SPAG9: variants seen among roughly 807,000 people sequenced by gnomAD.
SPAG9 encodes the protein sperm associated antigen 9.
SPAG9 carries 35 observed loss-of-function variants against 166.5 expected under a neutral mutation model. The observed-to-expected ratio is 0.21, with a 90% CI of 0.16 to 0.28. The LOEUF (loss-of-function observed/expected upper bound fraction) is 0.28. Ranked by LOEUF, SPAG9 falls within the 10% of genes least tolerant of loss-of-function variation. SPAG9 has a pLI of 1.00. For missense variants in SPAG9, 1,235 were observed against 1,603.3 expected, an observed-to-expected ratio of 0.77 and a Z score of 3.92; for synonymous variants, 534 against 565.5, an observed-to-expected ratio of 0.94 and a Z score of 0.79.
At chr17:51,014,119 A>T in intron 9 of SPAG9, 113 bp downstream of exon 9, 3 of 855,260 alleles carry the variant, frequency 3.5e-6, no homozygotes, top group Non-Finnish European at 5.0e-6. Context: ...CTAAAAGGGC[A>T]ATAACCCTGT....
chr17:51,115,019 T>A (rs1345342929), intron 1 of SPAG9, among the ~76,000 whole-genome samples: 1 of 152,148 alleles, frequency 6.6e-6, no homozygotes, highest in Non-Finnish European at 1.5e-5. Flanking sequence ...ATACCTATTT[T>A]CCTGCCCATG....
intron 2 of SPAG9, among the ~76,000 whole-genome samples, chr17:51,062,012 T>C (rs2047532256): frequency 6.6e-6 from 1 of 152,204 alleles, no homozygotes; most frequent in Non-Finnish European, 1.5e-5. Flanking sequence ...CATACATATC[T>C]ATATTTTTTT....
intron 12 of SPAG9, among the ~76,000 whole-genome samples, chr17:51,002,315 C>A (rs566210908): frequency 1.3e-5 from 2 of 152,102 alleles, no homozygotes; most frequent in African/African-American, 4.8e-5. Flanking sequence ...CTGTGCCCAG[C>A]CAACAAAGAG....
chr17:51,016,492 A>G (rs757679049), intron 8 of SPAG9, among the ~76,000 whole-genome samples: 1 of 152,252 alleles, frequency 6.6e-6, no homozygotes, highest in Non-Finnish European at 1.5e-5. Context: ...CATATTGGGG[A>G]CTTTTACATT....
At chr17:50,989,229 G>A (rs182281617) in intron 21 of SPAG9, among the ~76,000 whole-genome samples, 62 of 152,176 alleles carry the variant, frequency 4.1e-4, no homozygotes, top group Non-Finnish European at 6.6e-4. Context: ...AATACTTACC[G>A]TTATGTTCCA....
At chr17:50,975,070 T>G in intron 27 of SPAG9, 123 bp from the exon 28 acceptor site, 1 of 858,350 alleles carries the variant, frequency 1.2e-6, no homozygotes, top group Non-Finnish European at 1.7e-6. Context: ...AAAACAAGGA[T>G]GGCAATGCCA....
At chr17:51,102,460 G>A (rs1035163770) in intron 1 of SPAG9, among the ~76,000 whole-genome samples, 1 of 150,474 alleles carries the variant, frequency 6.6e-6, no homozygotes, top group African/African-American at 2.4e-5. Context: ...GAGAAGAAAC[G>A]AAGAGTTAAA....
chr17:51,034,808 A>C (rs907497864), intron 5 of SPAG9, among the ~76,000 whole-genome samples: 9 of 152,354 alleles, frequency 5.9e-5, no homozygotes, highest in African/African-American at 2.2e-4. Flanking sequence ...GTCTCAAAGT[A>C]TATCCACACC....
At chr17:51,036,290 T>C (rs1299945327) in intron 5 of SPAG9, among the ~76,000 whole-genome samples, 2 of 152,140 alleles carry the variant, frequency 1.3e-5, no homozygotes, top group Admixed American at 6.5e-5. Flanking sequence ...CTTTTTATGA[T>C]TTACAGTTAC....
At chr17:51,071,982 C>T (rs1049423687) in intron 2 of SPAG9, among the ~76,000 whole-genome samples, 1 of 152,208 alleles carries the variant, frequency 6.6e-6, no homozygotes, top group Middle Eastern at 3.2e-3. Flanking sequence ...CCTCCCACTA[C>T]AGGTACTGCG....
chr17:51,020,229 C>A lies in SPAG9; in HGVS notation c.1021G>T (p.Val341Phe), dbSNP rs758734581. Residue 341 changes from valine to phenylalanine, a missense_variant, in exon 8 of 30, where the codon GTT (valine) becomes TTT (phenylalanine). Around this residue, in one of 6 missense-constraint regions of SPAG9, gnomAD observed 288 missense variants for 323.7 expected, o/e 0.89. Transcript: ENST00000262013. ...GGAGTAGATTCGATGATTGCTTGAACTTCTGACTTTTCTTCATTTTCAGCA... is the reference window on the plus strand; with the variant it reads ...GGAGTAGATTCGATGATTGCTTGAAATTCTGACTTTTCTTCATTTTCAGCA... ...GSAENEEKSEVQAIIESTPEL... is the reference protein window; with the variant it reads ...GSAENEEKSEFQAIIESTPEL... 2.5e-6 allele frequency: 4 copies of A among 1,613,462 alleles called. No individual in the cohort carries two copies. The highest frequency in any genetic ancestry group is 3.4e-6 in the Non-Finnish European group (4 of 1,179,504).
Position 51,120,093 on chromosome 17 carries a change from G to A in SPAG9, c.303+261C>T, listed in dbSNP as rs1179046519. Among the ~76,000 whole-genome samples, 1 of 152,180 alleles carries A rather than the reference G, an allele frequency of 6.6e-6. No individual in the cohort carries two copies. Among genetic ancestry groups the A allele is most frequent in the Non-Finnish European group, 1.5e-5 (1 of 68,020 alleles). On this transcript the variant is annotated intron_variant, in intron 1 of 29. Transcript: ENST00000262013. This position sits in a 1 kb window ranked among gnomAD's most constrained non-coding sequence, Gnocchi z 4.7. ...CTTGGCCAACCCCAGGTGTCCTCAG[G>A]CCAGGCTGCCGCTTCCTCCCCGGGC...
intron 28 of SPAG9, among the ~76,000 whole-genome samples, chr17:50,973,655 G>C (rs1268205338): frequency 4.6e-5 from 7 of 152,176 alleles, no homozygotes; most frequent in Non-Finnish European, 1.0e-4. Context: ...AGATATCATT[G>C]TAAGTCTTTT....
chr17:51,050,650 A>AATTTT (rs1188798624), intron 3 of SPAG9, among the ~76,000 whole-genome samples: 4 of 152,164 alleles, frequency 2.6e-5, no homozygotes. Flanking sequence ...ATAGTCTATA[A>AATTTT]ACACACAAAA....
At chr17:51,104,750 G>A (rs1383254355) in intron 1 of SPAG9, among the ~76,000 whole-genome samples, 2 of 151,802 alleles carry the variant, frequency 1.3e-5, no homozygotes, top group South Asian at 2.1e-4. Context: ...TGGCTAACAC[G>A]GTGAAACCCC....
chr17:51,002,986 G>T (rs1308794201), intron 12 of SPAG9, among the ~76,000 whole-genome samples: 2 of 135,106 alleles, frequency 1.5e-5, no homozygotes, highest in African/African-American at 3.0e-5. Context: ...GGAGGCTGAA[G>T]TTAAAAAAAA....
chr17:51,089,694 G>C lies in SPAG9; in HGVS notation c.304-9990C>G, dbSNP rs570659432. ...TACACACACACACTTTCTTTTTTTT[G>C]ATATGGAGTCTCGCTCTGTGACCCA... On this transcript the variant is annotated intron_variant, in intron 1 of 29. Coordinates refer to ENST00000262013, the MANE Select transcript of SPAG9 (RefSeq NM_001130528.3). Among the ~76,000 whole-genome samples, 5 of 80,448 alleles carry C rather than the reference G, an allele frequency of 6.2e-5. No individual in the cohort carries two copies. In the South Asian group the frequency reaches 1.3e-3, roughly 21 times the overall value. The allele number at this position is 80,448 out of a possible 152,430, so 52.8% of individuals were successfully genotyped here. A position where few individuals can be genotyped will look rare whatever the true frequency, so the allele number is the denominator to read the frequency against.
intron 29 of SPAG9, 79 bp downstream of exon 29, chr17:50,970,628 G>A (rs1973713387): frequency 8.4e-7 from 1 of 1,188,488 alleles, no homozygotes; most frequent in East Asian, 2.4e-5. Flanking sequence ...CATTATCAGA[G>A]TGGTTTCTTA....
Position 51,021,176 on chromosome 17 carries a change from T to A in SPAG9, c.973A>T (p.Thr325Ser). ...CACTCACCAGTAGATACATTTCTAG[T>A]TTCCTGGGCTACCTGTACTTCAATG... ...KHIEVQVAQETRNVSTGSAEN... is the reference protein window; with the variant it reads ...KHIEVQVAQESRNVSTGSAEN... The change falls in exon 7 of 30, where the codon ACT becomes TCT. Residue 325 changes from threonine (T) to serine (S), a missense_variant. Physicochemically the swap from Thr to Ser is moderately conservative, Grantham distance 58. This residue lies in a region of SPAG9 where 288 missense variants were observed against 323.7 expected (regional missense o/e 0.89). Transcript: ENST00000262013. The A allele has an allele frequency of 6.2e-7, 1 of 1,613,988 alleles. No homozygotes were observed. Among genetic ancestry groups the A allele is most frequent in the Non-Finnish European group, 8.5e-7 (1 of 1,179,922 alleles).
Sources: gnomAD v4.1 joint callset for allele counts (sites outside exome capture counted in the v4.1 genomes callset) on GRCh38, gnomAD v4.1.1 for gene constraint, gnomAD v4.1.1 regional missense constraint, Gnocchi (gnomAD v3.1) non-coding constraint, MANE v1.5 for transcripts, NCBI Gene and HGNC (gene_info 2026-07-23, HGNC 2026-07-21) for gene names.